MYO1H: variants seen among roughly 807,000 people sequenced by gnomAD.
MYO1H encodes the protein myosin IH, also known as unconventional myosin-Ih.
In MYO1H, 118 loss-of-function variants were observed where a neutral mutation model predicts 149.3. The observed-to-expected ratio is 0.79, with a 90% confidence interval of 0.68 to 0.92. The LOEUF is 0.92. Ranked by LOEUF, MYO1H falls within the 40% of genes least tolerant of loss-of-function variation. The pLI is 0.00. For missense variants in MYO1H, 1,212 were observed against 1,280.7 expected, an observed-to-expected ratio of 0.95 and a Z score of 0.82; for synonymous variants, 447 against 465.2, an observed-to-expected ratio of 0.96 and a Z score of 0.50.
At chr12:109,429,840 A>G (rs1293472241) in intron 19 of MYO1H, among the ~76,000 whole-genome samples, 1 of 152,162 alleles carries the variant, frequency 6.6e-6, no homozygotes, top group Non-Finnish European at 1.5e-5. Flanking sequence ...GAAACACTAC[A>G]CTGGGTGGCT....
rs1566044878 is a variant in MYO1H, at chr12:109,443,103, C to CATATATGTGT, written c.2689-411_2689-410insATATATGTGT. Among the ~76,000 whole-genome samples the CATATATGTGT allele has an allele frequency of 2.1e-3, 135 of 64,386 alleles. 28 individuals carry two copies. Among genetic ancestry groups the CATATATGTGT allele is most frequent in the African/African-American group, 7.5e-3 (129 of 17,210 alleles). The allele number at this position is 64,386 out of a possible 152,430, so 42.2% of individuals were successfully genotyped here. ...GTACGTATGTGTGTATATATGTGTACGTATATGTGTGTATATGTGTACGTA... is the reference window on the plus strand; with the variant it reads ...GTACGTATGTGTGTATATATGTGTACATATATGTGTGTATATGTGTGTATATGTGTACGTA... On this transcript the variant is annotated intron_variant, in intron 27 of 31. Transcript: ENST00000310903.
chr12:109,428,475 C>T (rs935123064), intron 19 of MYO1H, among the ~76,000 whole-genome samples: 21 of 152,176 alleles, frequency 1.4e-4, no homozygotes, highest in African/African-American at 3.9e-4. Flanking sequence ...ACTATTTCTA[C>T]GCCTACTCTC....
intron 1 of MYO1H, among the ~76,000 whole-genome samples, chr12:109,371,920 C>T (rs2137016155): frequency 6.6e-6 from 1 of 152,176 alleles, no homozygotes; most frequent in East Asian, 1.9e-4. Flanking sequence ...GGAGTATCTT[C>T]TACATATATT....
intron 3 of MYO1H, among the ~76,000 whole-genome samples, chr12:109,395,334 A>G (rs980989973): frequency 3.3e-5 from 5 of 152,166 alleles, no homozygotes; most frequent in African/African-American, 1.2e-4. Flanking sequence ...CAAGATTGTT[A>G]TTTTCATCTA....
chr12:109,383,493 G>A (rs780381051), intron 1 of MYO1H, among the ~76,000 whole-genome samples: 11 of 152,130 alleles, frequency 7.2e-5, no homozygotes, highest in Admixed American at 5.9e-4. Context: ...TATTTCTTAC[G>A]TACACAAAGT....
the MYO1H span, among the ~76,000 whole-genome samples, chr12:109,314,657 A>G: frequency 6.6e-6 from 1 of 152,034 alleles, no homozygotes; most frequent in African/African-American, 2.4e-5. Context: ...ATCTCTCAAA[A>G]AGGAATACCA....
intron 20 of MYO1H, 38 bp downstream of exon 20, chr12:109,433,048 T>TTGATGTCAAGGGAA: frequency 1.3e-6 from 2 of 1,538,976 alleles, no homozygotes; most frequent in Non-Finnish European, 1.8e-6. Context: ...TCTCTTCCCT[T>TTGATGTCAAGGGAA]GACATCAAAG....
intron 22 of MYO1H, 47 bp downstream of exon 22, chr12:109,436,603 C>G: frequency 7.4e-7 from 1 of 1,360,100 alleles, no homozygotes; most frequent in Non-Finnish European, 1.0e-6. Context: ...TTCTCATCTG[C>G]TTGGCACCTG....
In MYO1H at chr12:109,432,811, C is replaced by T. The variant is rs1388118887; in HGVS notation, c.1950-86C>T. ...GAGTGGCCGACATGCCACAGCAGTG[C>T]TCAGCAGGCCTCTGGGGCCGGGGAT... is the stretch of plus-strand genomic sequence containing the variant. On this transcript the variant is annotated intron_variant, in intron 19 of 31. Transcript: ENST00000310903. The T allele has an allele frequency of 2.7e-6, 3 of 1,101,490 alleles. No homozygotes were observed. In the African/African-American group the frequency reaches 4.6e-5, roughly 17 times the overall value. The allele number at this position is 1,101,490 out of a possible 1,614,324, so 68.2% of individuals were successfully genotyped here.
exon 18 of MYO1H, chr12:109,426,029 G>A: frequency 1.2e-6 from 2 of 1,613,586 alleles, no homozygotes; most frequent in Non-Finnish European, 1.7e-6. Flanking sequence ...GTTGCATCAA[G>A]CCCAACGACA....
chr12:109,401,019 C>G (rs939438031), intron 5 of MYO1H, 74 bp from the exon 6 acceptor site: 2 of 1,322,922 alleles, frequency 1.5e-6, no homozygotes, highest in South Asian at 1.4e-5. Flanking sequence ...CTTAGAACTT[C>G]GGGCCATCAG....
At chr12:109,422,931 A>C (rs1871234922) in intron 16 of MYO1H, among the ~76,000 whole-genome samples, 1 of 151,812 alleles carries the variant, frequency 6.6e-6, no homozygotes. Context: ...TAAATTAAAA[A>C]ATTAGCTGGG....
chr12:109,443,695 C>T (rs747582447), intron 28 of MYO1H, 46 bp downstream of exon 28: 2 of 1,605,464 alleles, frequency 1.2e-6, no homozygotes, highest in South Asian at 1.1e-5. Context: ...GTTGACTCAA[C>T]TACTGGAAAG....
chr12:109,374,742 T>C (rs542652849), intron 1 of MYO1H, among the ~76,000 whole-genome samples: 1 of 152,368 alleles, frequency 6.6e-6, no homozygotes, highest in South Asian at 2.1e-4. Context: ...TTTCTCTTGC[T>C]CTACATCCTT....
intron 8 of MYO1H, 109 bp from the exon 9 acceptor site, chr12:109,406,680 C>A: frequency 1.0e-6 from 1 of 1,002,228 alleles, no homozygotes. Flanking sequence ...ATGATTGTGC[C>A]ACCACATTCC....
intron 15 of MYO1H, among the ~76,000 whole-genome samples, chr12:109,419,500 C>T (rs1312130920): frequency 3.9e-5 from 6 of 151,934 alleles, no homozygotes; most frequent in Non-Finnish European, 1.5e-5. Flanking sequence ...GCTTCTATGC[C>T]ACCATTTTTT....
At chr12:109,424,303 G>T (rs1871279645) in intron 16 of MYO1H, among the ~76,000 whole-genome samples, 2 of 152,080 alleles carry the variant, frequency 1.3e-5, no homozygotes, top group South Asian at 4.1e-4. Flanking sequence ...TGGGACCATA[G>T]GTGCACACCA....
chr12:109,432,991 G>T lies in MYO1H; in HGVS notation c.2044G>T (p.Glu682Ter). The stretch of plus-strand genomic sequence containing the variant: ...GATCAAGTACATCGGCTACAAACCC[G>T]AGGAATACAAGTTAGGCAAGTAAGT... The change falls in exon 20 of 32, where the codon GAG becomes TAG. Residue 682 changes from glutamate to a stop codon, truncating the protein, a stop_gained. Transcript: ENST00000310903. LOFTEE classifies it high-confidence loss of function. The T allele has an allele frequency of 6.2e-7, 1 of 1,613,954 alleles. No homozygotes were observed. The highest frequency in any genetic ancestry group is 8.5e-7 in the Non-Finnish European group (1 of 1,179,854).
At chr12:109,342,037 G>T in the MYO1H span, among the ~76,000 whole-genome samples, 2 of 151,612 alleles carry the variant, frequency 1.3e-5, no homozygotes, top group Non-Finnish European at 2.9e-5. Flanking sequence ...TTTCAGAAAT[G>T]ATCAAAGCAT....
Sources: allele counts gnomAD v4.1 joint callset (sites outside exome capture counted in the v4.1 genomes callset), GRCh38; gene constraint gnomAD v4.1.1; transcripts MANE v1.5; gene names NCBI Gene and HGNC (gene_info 2026-07-23, HGNC 2026-07-21).